Variants in CSN2 observed in about 807,000 individuals in gnomAD.
CSN2 encodes casein beta.
Under a neutral mutation model 27.3 loss-of-function variants are expected in CSN2, and 27 were observed. The observed-to-expected ratio is 0.99, with a 90% CI of 0.73 to 1.36. CSN2 has a LOEUF of 1.36. Among genes scored for constraint, CSN2 ranks in the 40% most tolerant of loss-of-function variants. The pLI, the probability that CSN2 is intolerant of heterozygous loss-of-function variation, is 0.00. For synonymous variants in CSN2, 131 were observed against 94.8 expected (o/e 1.38, Z -2.22); for missense variants, 333 against 264.5 (o/e 1.26, Z -1.80).
At chr4:69,964,429 G>A (rs571364479) in intron 1 of CSN2, among the ~76,000 whole-genome samples, 1 of 151,946 alleles carries the variant, frequency 6.6e-6, no homozygotes, top group Admixed American at 6.6e-5. Context: ...CTCAGATATT[G>A]AAACTCAATT....
intron 1 of CSN2, among the ~76,000 whole-genome samples, chr4:69,963,945 A>G (rs1723704764): frequency 6.6e-6 from 1 of 152,038 alleles, no homozygotes; most frequent in Non-Finnish European, 1.5e-5. Context: ...AAAAAGTCAC[A>G]TTTTATTTTT....
At position 69,957,295 on chromosome 4, in the gene CSN2, G is replaced by A. The variant is rs749126295; in HGVS notation, c.654C>T (p.Ala218=). 7 of 1,569,116 alleles carry A rather than the reference G, an allele frequency of 4.5e-6. No individual in the cohort carries two copies. The highest frequency in any genetic ancestry group is 2.7e-5 in the African/African-American group (2 of 73,550). Residue 218 remains alanine (A), a synonymous_variant, in exon 6 of 8, where the codon GCC becomes GCT. Transcript: ENST00000353151. ...HQIYPVTQPL[A]PVHNPISV ...TTACACTAATGGGGTTATGAACTGGGGCAAGTGGCTGAGTCACAGGGTAGA... is the reference window on the plus strand; with the variant it reads ...TTACACTAATGGGGTTATGAACTGGAGCAAGTGGCTGAGTCACAGGGTAGA...
rs150033877 is a variant in CSN2 at position 69,957,796 on chromosome 4, G to T, written c.153C>A (p.His51Gln). 1 of 1,611,540 alleles carries T rather than the reference G, an allele frequency of 6.2e-7. No homozygotes were observed. Among genetic ancestry groups the T allele is most frequent in the African/African-American group, 1.3e-5 (1 of 74,792 alleles). Residue 51 changes from histidine to glutamine, a missense_variant, in exon 6 of 8, where the codon CAC (histidine) becomes CAA (glutamine). His to Gln is a conservative substitution (Grantham distance 24). Coordinates refer to ENST00000353151, the MANE Select transcript of CSN2 (RefSeq NM_001891.4). ...GGAAAGAGGGGTAGATTTTATCCTG[G>T]TGTTCATCCTGGAAAGAAGGAAAAA... Reference protein sequence around the residue: ...HEDQQQGEDEHQDKIYPSFQP... With the variant: ...HEDQQQGEDEQQDKIYPSFQP...
chr4:69,964,427 T>C (rs762031602), intron 1 of CSN2, among the ~76,000 whole-genome samples: 6 of 152,072 alleles, frequency 3.9e-5, no homozygotes, highest in Non-Finnish European at 7.4e-5. Flanking sequence ...TTCTCAGATA[T>C]TGAAACTCAA....
chr4:69,963,739 T>C (rs932404293), intron 1 of CSN2, among the ~76,000 whole-genome samples: 1 of 152,032 alleles, frequency 6.6e-6, no homozygotes, highest in African/African-American at 2.4e-5. Flanking sequence ...AGTATAATAA[T>C]AATAATTTCA....
chr4:69,965,670 A>G lies in CSN2; in HGVS notation c.-13+11T>C, dbSNP rs1723785696. Among the ~76,000 whole-genome samples the G allele has an allele frequency of 6.6e-6, 1 of 151,838 alleles. No individual in the cohort carries two copies. Among genetic ancestry groups the G allele is most frequent in the African/African-American group, 2.4e-5 (1 of 41,380 alleles). On this transcript the variant is annotated intron_variant, in intron 1 of 7. Coordinates refer to ENST00000353151, the MANE Select transcript of CSN2 (RefSeq NM_001891.4). Reference sequence around the variant, plus strand: ...GAGAAGATACAACAAATTTGTATCTAAAATTCTTACCGTTTTTCCAAGATT... The same window carrying G: ...GAGAAGATACAACAAATTTGTATCTGAAATTCTTACCGTTTTTCCAAGATT...
chr4:69,961,845 G>T (rs1280439587), intron 1 of CSN2, among the ~76,000 whole-genome samples: 2 of 152,160 alleles, frequency 1.3e-5, no homozygotes, highest in African/African-American at 2.4e-5. Context: ...CATCGTCTCA[G>T]CCCAAAGTCT....
chr4:69,959,509 C>A (rs1242453815), intron 3 of CSN2, among the ~76,000 whole-genome samples: 1 of 152,084 alleles, frequency 6.6e-6, no homozygotes, highest in Non-Finnish European at 1.5e-5. Context: ...ATTTACTTAT[C>A]AAGTGATCAC....
chr4:69,957,609 C>A lies in CSN2; in HGVS notation c.340G>T (p.Val114Leu), dbSNP rs775132407. The stretch of plus-strand genomic sequence containing the variant: ...GTTGGAGATTTAAGGACAGGCATCA[C>A]TCTGCCCTTAGTGTAGACAGTGTCT... ...AKDTVYTKGR[V>L]MPVLKSPTIP... is the part of the protein sequence containing the mutation. The change falls in exon 6 of 8, where the codon GTG becomes TTG. Residue 114 changes from valine to leucine, a missense_variant. Transcript: ENST00000353151. 2.3e-5 allele frequency: 37 copies of A among 1,613,968 alleles called. No individual in the cohort carries two copies. The South Asian group carries it at 4.0e-4, about 17-fold the overall frequency.
rs1384254508 is a variant in CSN2 at position 69,958,904 on chromosome 4, A to T, written c.144+5T>A. 2.5e-6 allele frequency: 4 copies of T among 1,573,198 alleles called. No homozygotes were observed. On this transcript the variant is annotated splice_donor_5th_base_variant and intron_variant, in intron 5 of 7. Transcript: ENST00000353151. ...TTAAACATATACTTATCATTAACAA[A>T]TTACCTCTCCTTGCTGCTGGTCCTC...
rs1367582240 is a variant in CSN2 at position 69,960,047 on chromosome 4, A to G, written c.78+6T>C. On this transcript the variant is annotated splice_donor_region_variant and intron_variant, in intron 3 of 7. Coordinates refer to ENST00000353151, the MANE Select transcript of CSN2 (RefSeq NM_001891.4). ...TGTTCTAAAATTGGGTAGAATGTTA[A>G]CTTACCTCACTGCTTGAAAGGCTTT... The G allele has an allele frequency of 2.2e-5, 36 of 1,611,490 alleles. No homozygotes were observed. Among genetic ancestry groups the G allele is most frequent in the Non-Finnish European group, 3.0e-5 (35 of 1,178,412 alleles).
intron 1 of CSN2, among the ~76,000 whole-genome samples, chr4:69,964,222 T>C (rs569516677): frequency 2.0e-5 from 3 of 152,290 alleles, no homozygotes; most frequent in African/African-American, 7.2e-5. Context: ...CACACGATTC[T>C]CTTGATGATC....
At chr4:69,959,121 T>G in intron 3 of CSN2, 52 bp from the exon 4 acceptor site, 1 of 1,167,866 alleles carries the variant, frequency 8.6e-7, no homozygotes, top group Non-Finnish European at 1.2e-6. Flanking sequence ...ATTCTTACTT[T>G]GCAATATAAA....
At position 69,957,365 on chromosome 4, in the gene CSN2, G is replaced by T. The variant is rs768242941; in HGVS notation, c.584C>A (p.Ala195Asp). 3 of 1,613,332 alleles carry T rather than the reference G, an allele frequency of 1.9e-6. No individual in the cohort carries two copies. The highest frequency in any genetic ancestry group is 1.7e-4 in the Middle Eastern group (1 of 6,056). Residue 195 changes from alanine to aspartate, a missense_variant, in exon 6 of 8, where the codon GCC becomes GAC. Coordinates refer to ENST00000353151, the MANE Select transcript of CSN2 (RefSeq NM_001891.4). ...TAGAAGTTCTTGGTTGAGCAGAAGG[G>T]CTTGAACAGGCACAGCTCTCTGAGG... ...PYPQRAVPVQ[A>D]LLLNQELLLN... is the part of the protein sequence containing the mutation.
At position 69,959,198 on chromosome 4, in the gene CSN2, G is replaced by T. The variant is rs548805989; in HGVS notation, c.79-129C>A. 6.8e-6 allele frequency: 5 copies of T among 733,568 alleles called. No homozygotes were observed. The East Asian group carries it at 1.5e-4, about 22-fold the overall frequency. The allele number at this position is 733,568 out of a possible 1,614,324, so 45.4% of individuals were successfully genotyped here. The stretch of plus-strand genomic sequence containing the variant: ...AACTTTGTATAATCATTAAACTTAT[G>T]TATTAAACTGTTCTATATGAGCTTG... On this transcript the variant is annotated intron_variant, in intron 3 of 7. Coordinates refer to ENST00000353151, the MANE Select transcript of CSN2 (RefSeq NM_001891.4).
chr4:69,965,414 A>G (rs1279594053), intron 1 of CSN2, among the ~76,000 whole-genome samples: 1 of 71,730 alleles, frequency 1.4e-5, no homozygotes, highest in Non-Finnish European at 3.6e-5. Flanking sequence ...CATACTATAT[A>G]TATATATATA....
chr4:69,960,133 T>G (rs1337589979), intron 2 of CSN2, 54 bp from the exon 3 acceptor site: 8 of 1,512,944 alleles, frequency 5.3e-6, no homozygotes, highest in Non-Finnish European at 7.3e-6. Flanking sequence ...ATTAGAGAAT[T>G]TTACTATTTT....
At chr4:69,962,690 G>C (rs910180830) in intron 1 of CSN2, among the ~76,000 whole-genome samples, 18 of 151,996 alleles carry the variant, frequency 1.2e-4, no homozygotes, top group East Asian at 7.7e-4. Flanking sequence ...GACTTCATGT[G>C]TAAAAGACCA....
chr4:69,957,736 AG>A lies in CSN2; in HGVS notation c.212del (p.Pro71LeufsTer28). The stretch of plus-strand genomic sequence containing the variant: ...TTTGTGGAAGAAAACCATAGGGGAT[AG>A]GTTCAACGAATGGATAGATCAGAGG... Reference protein sequence around the residue: ...PQPLIYPFVEPIPYGFLPQNI... With the variant: ...PQPLIYPFVEXIPYGFLPQNI... On this transcript the variant is annotated frameshift_variant, in exon 6 of 8. Coordinates refer to ENST00000353151, the MANE Select transcript of CSN2 (RefSeq NM_001891.4). LOFTEE classifies it high-confidence loss of function. 6.2e-7 allele frequency: 1 copy of A among 1,614,018 alleles called. No homozygotes were observed. The highest frequency in any genetic ancestry group is 8.5e-7 in the Non-Finnish European group (1 of 1,179,970).
Sources: allele counts gnomAD v4.1 joint callset (sites outside exome capture counted in the v4.1 genomes callset), GRCh38; gene constraint gnomAD v4.1.1; transcripts MANE v1.5; gene names NCBI Gene and HGNC (gene_info 2026-07-23, HGNC 2026-07-21).